KCNH8: variants seen among roughly 807,000 people sequenced by gnomAD.
KCNH8 encodes the protein voltage-gated delayed rectifier potassium channel KCNH8.
In KCNH8, 70 loss-of-function variants were observed where a neutral mutation model predicts 103.6. The observed-to-expected ratio is 0.68, with a 90% CI of 0.56 to 0.82. KCNH8 has a LOEUF of 0.82. KCNH8 is among the 40% of genes least tolerant of loss of function. KCNH8 has a pLI of 0.00. For synonymous variants in KCNH8, 498 were observed against 489.4 expected, an observed-to-expected ratio of 1.02 and a Z score of -0.23; for missense variants, 1,217 against 1,329.9, an observed-to-expected ratio of 0.92 and a Z score of 1.32.
chr3:19,321,721 C>T (rs1231760639), intron 3 of KCNH8, among the ~76,000 whole-genome samples: 2 of 151,972 alleles, frequency 1.3e-5, no homozygotes, highest in South Asian at 2.1e-4. Flanking sequence ...AGTTTAAGTC[C>T]ATGGTTTCTT....
At chr3:19,295,636 T>C (rs1282278435) in intron 3 of KCNH8, among the ~76,000 whole-genome samples, 3 of 152,280 alleles carry the variant, frequency 2.0e-5, no homozygotes, top group East Asian at 3.9e-4. Flanking sequence ...GAAAGGTCTA[T>C]AGGTAACTTT....
At chr3:19,411,763 CCACACACACACAGACACA>C (rs1288391599) in intron 7 of KCNH8, among the ~76,000 whole-genome samples, 2 of 150,302 alleles carry the variant, frequency 1.3e-5, no homozygotes, top group East Asian at 3.9e-4. Context: ...TTAACCGTAG[CCACACACACACAGACACA>C]CACACACACA....
intron 11 of KCNH8, among the ~76,000 whole-genome samples, chr3:19,491,177 G>A (rs1453001913): frequency 1.3e-5 from 2 of 152,092 alleles, no homozygotes; most frequent in Non-Finnish European, 2.9e-5. Context: ...GTGTGTGAAT[G>A]GAGTACACTT....
chr3:19,360,366 A>G (rs2065932521), intron 5 of KCNH8, among the ~76,000 whole-genome samples: 1 of 152,134 alleles, frequency 6.6e-6, no homozygotes, highest in African/African-American at 2.4e-5. Context: ...AAAAAAGAAT[A>G]TAGAGCAGGG....
Position 19,347,774 on chromosome 3 carries a change from CA to C in KCNH8, c.626del (p.Lys209SerfsTer29). On this transcript the variant is annotated frameshift_variant, in exon 5 of 16. Coordinates refer to ENST00000328405, the MANE Select transcript of KCNH8 (RefSeq NM_144633.3). LOFTEE classifies it high-confidence loss of function. ...PAFPEYKVSD[A>X]KKSKFILLHF... is the part of the protein sequence containing the mutation. ...TTTCCGGAGTATAAAGTTTCTGATG[CA>C]AAAAAGTCCAAATTCATACTTCTGC... is the stretch of plus-strand genomic sequence containing the variant. The C allele has an allele frequency of 1.2e-6, 2 of 1,613,064 alleles. No individual in the cohort carries two copies. The highest frequency in any genetic ancestry group is 1.7e-6 in the Non-Finnish European group (2 of 1,179,342).
At chr3:19,397,512 TATATATACGTGTGTATATATACACAC>T (rs2066538500) in intron 7 of KCNH8, among the ~76,000 whole-genome samples, 1 of 150,672 alleles carries the variant, frequency 6.6e-6, no homozygotes, top group East Asian at 2.0e-4. Context: ...CACACACACA[TATATATACGTGTGTATATATACACAC>T]ATATATATAT....
chr3:19,506,399 T>G (rs997242081), intron 11 of KCNH8, among the ~76,000 whole-genome samples: 68 of 152,216 alleles, frequency 4.5e-4, no homozygotes, highest in Non-Finnish European at 1.5e-4. Flanking sequence ...AGCTCTTGTC[T>G]TTGGTTTCAC....
intron 1 of KCNH8, among the ~76,000 whole-genome samples, chr3:19,159,998 A>C (rs2063218548): frequency 6.6e-6 from 1 of 152,150 alleles, no homozygotes; most frequent in Non-Finnish European, 1.5e-5. Flanking sequence ...TCAATGACCT[A>C]ACAAAAATGA....
chr3:19,242,065 A>G (rs2125245507), intron 1 of KCNH8, among the ~76,000 whole-genome samples: 1 of 152,302 alleles, frequency 6.6e-6, no homozygotes, highest in Middle Eastern at 3.4e-3. Context: ...GCTGGGAAGA[A>G]CATTCTTGAG....
chr3:19,337,894 C>T (rs1559482255), intron 3 of KCNH8, among the ~76,000 whole-genome samples: 1 of 151,858 alleles, frequency 6.6e-6, no homozygotes. Flanking sequence ...TTCATGTGCT[C>T]CAGCACCGTA....
At chr3:19,370,779 TC>T (rs1239509147) in intron 5 of KCNH8, among the ~76,000 whole-genome samples, 1 of 118,246 alleles carries the variant, frequency 8.5e-6, no homozygotes, top group Non-Finnish European at 1.6e-5. Flanking sequence ...CCAACAACAG[TC>T]CCCAGAGTGT....
chr3:19,345,033 T>C (rs2065711352), intron 4 of KCNH8, among the ~76,000 whole-genome samples: 2 of 152,236 alleles, frequency 1.3e-5, no homozygotes, highest in South Asian at 2.1e-4. Flanking sequence ...CATAGTCAAA[T>C]GAACTCGTCA....
At chr3:19,531,331 A>G (rs970692534) in intron 15 of KCNH8, among the ~76,000 whole-genome samples, 2 of 152,218 alleles carry the variant, frequency 1.3e-5, no homozygotes, top group Non-Finnish European at 2.9e-5. Context: ...TCCTGGGGTA[A>G]TGATTTAAGT....
chr3:19,476,472 C>G (rs1170043887), intron 11 of KCNH8, among the ~76,000 whole-genome samples: 1 of 152,162 alleles, frequency 6.6e-6, no homozygotes, highest in Non-Finnish European at 1.5e-5. Context: ...ATGAAACCGT[C>G]TATTGTGTTT....
chr3:19,375,138 T>A (rs2066172158), intron 5 of KCNH8, among the ~76,000 whole-genome samples: 1 of 151,898 alleles, frequency 6.6e-6, no homozygotes, highest in Non-Finnish European at 1.5e-5. Context: ...ATTTCCTGAA[T>A]CTGAACGTTG....
intron 3 of KCNH8, among the ~76,000 whole-genome samples, chr3:19,294,709 G>T (rs191611221): frequency 6.6e-6 from 1 of 152,280 alleles, no homozygotes; most frequent in East Asian, 1.9e-4. Flanking sequence ...GACAAATAAT[G>T]CAAACTAGGG....
At chr3:19,371,083 T>C (rs562577376) in intron 5 of KCNH8, among the ~76,000 whole-genome samples, 1,724 of 152,124 alleles carry the variant, frequency 0.011, 25 homozygotes, top group African/African-American at 0.039. Context: ...TGTGCATGTG[T>C]CTTTATAGCA....
At chr3:19,480,170 A>T (rs1273694650) in intron 11 of KCNH8, among the ~76,000 whole-genome samples, 1 of 152,168 alleles carries the variant, frequency 6.6e-6, no homozygotes, top group Admixed American at 6.5e-5. Context: ...GTTGTACTAG[A>T]TTACAGTTTA....
intron 11 of KCNH8, among the ~76,000 whole-genome samples, chr3:19,492,132 T>C (rs558947770): frequency 2.0e-5 from 3 of 152,284 alleles, no homozygotes; most frequent in South Asian, 2.1e-4. Flanking sequence ...GTTGTCTGTT[T>C]ACTCTCTTGA....
Sources: gnomAD v4.1 joint callset for allele counts (sites outside exome capture counted in the v4.1 genomes callset) on GRCh38, gnomAD v4.1.1 for gene constraint, MANE v1.5 for transcripts, NCBI Gene and HGNC (gene_info 2026-07-23, HGNC 2026-07-21) for gene names.